Variants in GPHN observed in about 807,000 individuals in gnomAD.
The protein encoded by GPHN is gephyrin.
GPHN carries 17 observed loss-of-function variants against 95.5 expected under a neutral mutation model. The observed-to-expected ratio is 0.18, with a 90% confidence interval of 0.12 to 0.27. GPHN has a LOEUF of 0.27. GPHN is among the 10% of genes least tolerant of loss of function. GPHN has a pLI of 1.00. For missense variants in GPHN, 660 were observed against 978.1 expected (o/e 0.67, Z 4.34); for synonymous variants, 320 against 322.5 (o/e 0.99, Z 0.08).
chr14:67,703,514 C>T, the GPHN span, among the ~76,000 whole-genome samples: 29 of 152,064 alleles, frequency 1.9e-4, no homozygotes, highest in African/African-American at 7.0e-4. Flanking sequence ...TCAAAGTAGG[C>T]AGAAAAAATA....
the GPHN span, among the ~76,000 whole-genome samples, chr14:67,597,248 T>TG: frequency 2.0e-5 from 3 of 152,160 alleles, no homozygotes; most frequent in African/African-American, 7.2e-5. Flanking sequence ...GAGGCCAACA[T>TG]GGGGGGATCG....
intron 10 of GPHN, among the ~76,000 whole-genome samples, chr14:67,043,028 T>G (rs1330188276): frequency 6.6e-6 from 1 of 152,226 alleles, no homozygotes; most frequent in Non-Finnish European, 1.5e-5. Context: ...TTTGGCTCTC[T>G]GTTTGTCTGT....
intron 10 of GPHN, among the ~76,000 whole-genome samples, chr14:67,038,740 C>G (rs910945975): frequency 6.6e-6 from 1 of 152,126 alleles, no homozygotes; most frequent in African/African-American, 2.4e-5. Context: ...TCTCACATTT[C>G]TTTCATCAGA....
chr14:66,649,847 G>A lies in GPHN; in HGVS notation c.65-31260G>A, dbSNP rs2064950658. ...GTACTTCAATTGTACAGCTGCATCTGGTGGTAACGCTTTAAGTCAGAATCC... is the reference window on the plus strand; with the variant it reads ...GTACTTCAATTGTACAGCTGCATCTAGTGGTAACGCTTTAAGTCAGAATCC... On this transcript the variant is annotated intron_variant, in intron 1 of 22. Coordinates refer to ENST00000478722, the MANE Select transcript of GPHN (RefSeq NM_020806.5). Among the ~76,000 whole-genome samples, 4 of 152,150 alleles carry A rather than the reference G, an allele frequency of 2.6e-5. No homozygotes were observed. The South Asian group carries it at 8.3e-4, about 32-fold the overall frequency.
chr14:67,677,340 T>C, the GPHN span: 1 of 150,220 alleles, frequency 6.7e-6, no homozygotes, highest in African/African-American at 2.5e-5. Context: ...AAGAATTGTT[T>C]TTTTTGTTTG....
At chr14:67,308,867 C>T in the GPHN span, among the ~76,000 whole-genome samples, 1 of 152,034 alleles carries the variant, frequency 6.6e-6, no homozygotes, top group Non-Finnish European at 1.5e-5. Context: ...ATTCTAATAG[C>T]CTTCTTGATT....
At position 66,750,505 on chromosome 14, in the gene GPHN, A is replaced by G. The variant is rs80024075; in HGVS notation, c.144-25959A>G. Among the ~76,000 whole-genome samples, 560 of 152,088 alleles carry G rather than the reference A, an allele frequency of 3.7e-3. 12 individuals carry two copies. The highest frequency in any genetic ancestry group is 0.013 in the African/African-American group (533 of 41,550). On this transcript the variant is annotated intron_variant, in intron 2 of 22. Coordinates refer to ENST00000478722, the MANE Select transcript of GPHN (RefSeq NM_020806.5). ...TCCAAAAAGATGTAGAGAGGAAAATACATAAATACATTAACTTAGTGGAGG... is the reference window on the plus strand; with the variant it reads ...TCCAAAAAGATGTAGAGAGGAAAATGCATAAATACATTAACTTAGTGGAGG...
chr14:67,034,908 A>G (rs1372498124), intron 10 of GPHN, among the ~76,000 whole-genome samples: 2 of 152,228 alleles, frequency 1.3e-5, no homozygotes, highest in African/African-American at 4.8e-5. Context: ...GAGAACTTGA[A>G]CACTGTTGAC....
intron 9 of GPHN, among the ~76,000 whole-genome samples, chr14:67,019,511 A>C (rs926562366): frequency 6.6e-6 from 1 of 152,222 alleles, no homozygotes; most frequent in African/African-American, 2.4e-5. Context: ...GAGCAGCAAA[A>C]TAGGCAATTT....
chr14:67,254,767 C>T, the GPHN span, among the ~76,000 whole-genome samples: 1 of 152,128 alleles, frequency 6.6e-6, no homozygotes, highest in Non-Finnish European at 1.5e-5. Context: ...TACCAATAAG[C>T]GATCTAGGTA....
intron 10 of GPHN, among the ~76,000 whole-genome samples, chr14:67,026,705 C>G (rs546507590): frequency 3.0e-4 from 46 of 152,076 alleles, no homozygotes; most frequent in Admixed American, 7.2e-4. Flanking sequence ...TGCAGTGGCG[C>G]GATCTCGGCT....
At chr14:66,753,115 A>G (rs1350565707) in intron 2 of GPHN, among the ~76,000 whole-genome samples, 3 of 152,180 alleles carry the variant, frequency 2.0e-5, no homozygotes, top group Non-Finnish European at 2.9e-5. Context: ...GCCCTTTGCC[A>G]TATAATTTTT....
chr14:67,223,757 G>A, the GPHN span: 1 of 984,868 alleles, frequency 1.0e-6, no homozygotes, highest in South Asian at 4.7e-5. Flanking sequence ...ACTTAGGCTT[G>A]TATAGTTTTT....
intron 1 of GPHN, among the ~76,000 whole-genome samples, chr14:66,661,790 C>T (rs536830282): frequency 1.8e-4 from 27 of 152,012 alleles, no homozygotes; most frequent in Admixed American, 1.3e-3. Flanking sequence ...GGTGGGCGGG[C>T]GCCATCGTTG....
the GPHN span, chr14:67,334,528 A>G: frequency 6.6e-6 from 1 of 152,500 alleles, no homozygotes; most frequent in East Asian, 1.9e-4. Context: ...TATTTGATTG[A>G]TTTTTTTTCT....
At chr14:66,525,040 T>C (rs564067451) in intron 1 of GPHN, among the ~76,000 whole-genome samples, 1 of 152,248 alleles carries the variant, frequency 6.6e-6, no homozygotes, top group South Asian at 2.1e-4. Context: ...GGTCACGTGG[T>C]ATTTCTGGTT....
intron 4 of GPHN, among the ~76,000 whole-genome samples, chr14:66,845,854 T>C (rs1331473863): frequency 1.4e-5 from 2 of 147,864 alleles, no homozygotes; most frequent in African/African-American, 4.9e-5. Flanking sequence ...TGTGTGTGTG[T>C]GTGTGTCTGT....
downstream of GPHN, among the ~76,000 whole-genome samples, chr14:67,184,455 G>A (rs556917077): frequency 2.6e-5 from 4 of 152,254 alleles, no homozygotes; most frequent in South Asian, 6.2e-4. Flanking sequence ...AGAGGTGATG[G>A]TGATGGTGAT....
At chr14:67,691,306 C>G in the GPHN span, 2 of 1,086,088 alleles carry the variant, frequency 1.8e-6, no homozygotes, top group Non-Finnish European at 2.8e-6. Context: ...TCTTAGAAAG[C>G]TGCCTCACGC....
Sources: allele counts gnomAD v4.1 joint callset (sites outside exome capture counted in the v4.1 genomes callset), GRCh38; gene constraint gnomAD v4.1.1; transcripts MANE v1.5; gene names NCBI Gene and HGNC (gene_info 2026-07-23, HGNC 2026-07-21).